Variants in UNC5D observed in about 807,000 individuals in gnomAD.
UNC5D encodes unc-5 netrin receptor D, also known as netrin receptor UNC5D.
In UNC5D, 39 loss-of-function variants were observed where a neutral mutation model predicts 105.4. The ratio of observed to expected loss-of-function variants is 0.37; its 90% confidence interval spans 0.29 to 0.48. The LOEUF (loss-of-function observed/expected upper bound fraction) is 0.48. UNC5D is among the 20% of genes least tolerant of loss of function. The probability of loss-of-function intolerance (pLI) is 0.98; values close to 1 mark genes in which losing one functional copy is unlikely to be tolerated. For synonymous variants in UNC5D, 452 were observed against 450.4 expected (o/e 1.00, Z -0.04); for missense variants, 991 against 1,202.4 (o/e 0.82, Z 2.60).
At chr8:35,635,294 A>G (rs141627615) in intron 4 of UNC5D, among the ~76,000 whole-genome samples, 209 of 152,208 alleles carry the variant, frequency 1.4e-3, no homozygotes, top group African/African-American at 4.6e-3. Context: ...ACTCCTATGT[A>G]TTGATACCTC....
At chr8:35,241,252 G>C (rs376184374) in intron 1 of UNC5D, among the ~76,000 whole-genome samples, 19 of 152,190 alleles carry the variant, frequency 1.2e-4, no homozygotes, top group Non-Finnish European at 2.4e-4. Flanking sequence ...ACATTGCATC[G>C]TATGGCCTTA....
At chr8:35,737,068 T>A (rs1277231933) in intron 11 of UNC5D, among the ~76,000 whole-genome samples, 1 of 152,188 alleles carries the variant, frequency 6.6e-6, no homozygotes, top group Non-Finnish European at 1.5e-5. Flanking sequence ...CTTGGCACAA[T>A]TATTAATAGT....
At chr8:35,439,447 G>T (rs369563942) in intron 1 of UNC5D, among the ~76,000 whole-genome samples, 22 of 152,014 alleles carry the variant, frequency 1.4e-4, no homozygotes, top group Middle Eastern at 3.2e-3. Context: ...TAAACATTTC[G>T]TGCCATTCTT....
intron 1 of UNC5D, among the ~76,000 whole-genome samples, chr8:35,241,395 T>C (rs1369236616): frequency 6.6e-6 from 1 of 152,204 alleles, no homozygotes; most frequent in Non-Finnish European, 1.5e-5. Flanking sequence ...GAAAGGAGTA[T>C]GTTTTCGCTG....
chr8:35,749,237 G>C lies in UNC5D; in HGVS notation c.1935+542G>C, dbSNP rs1563731348. Among the ~76,000 whole-genome samples the C allele has an allele frequency of 3.3e-5, 5 of 152,178 alleles. 1 individual carries two copies. In the East Asian group the frequency reaches 9.7e-4, roughly 29 times the overall value. On this transcript the variant is annotated intron_variant, in intron 12 of 16. Transcript: ENST00000404895. ...TGTGTGTATGAGTGCAAACAAAAGG[G>C]ATACAGTAGGAGACAAGGAAAGAGA...
intron 2 of UNC5D, among the ~76,000 whole-genome samples, chr8:35,560,749 GC>G (rs1239664224): frequency 6.6e-6 from 1 of 152,116 alleles, no homozygotes; most frequent in Non-Finnish European, 1.5e-5. Context: ...TTTTAAAGAA[GC>G]CTGCCACTCT....
chr8:35,442,902 TCTCA>T (rs1439117287), intron 1 of UNC5D, among the ~76,000 whole-genome samples: 41 of 131,704 alleles, frequency 3.1e-4, no homozygotes, highest in African/African-American at 1.3e-3. Context: ...TCTCTCTCTC[TCTCA>T]CACACACACA....
chr8:35,578,604 C>T (rs969310938), intron 3 of UNC5D, among the ~76,000 whole-genome samples: 6 of 152,136 alleles, frequency 3.9e-5, no homozygotes, highest in Admixed American at 6.6e-5. Flanking sequence ...TTACTTTGTG[C>T]CTGCCACATC....
intron 1 of UNC5D, among the ~76,000 whole-genome samples, chr8:35,303,701 G>A (rs1808131523): frequency 6.6e-6 from 1 of 152,130 alleles, no homozygotes; most frequent in South Asian, 2.1e-4. Context: ...AAAATCAATT[G>A]TCCACTGTGA....
At chr8:35,265,911 C>T (rs958407291) in intron 1 of UNC5D, among the ~76,000 whole-genome samples, 2 of 149,428 alleles carry the variant, frequency 1.3e-5, no homozygotes, top group African/African-American at 5.0e-5. Flanking sequence ...AATAATATAT[C>T]TGGGATTAGC....
chr8:35,278,736 A>G (rs530501072), intron 1 of UNC5D, among the ~76,000 whole-genome samples: 1 of 152,212 alleles, frequency 6.6e-6, no homozygotes, highest in East Asian at 1.9e-4. Context: ...TGATGACAGC[A>G]CCTGAAATCT....
intron 3 of UNC5D, among the ~76,000 whole-genome samples, chr8:35,590,820 C>A (rs974512033): frequency 6.6e-6 from 1 of 152,122 alleles, no homozygotes; most frequent in African/African-American, 2.4e-5. Context: ...AACAAAAACA[C>A]AAGCTGCGGT....
At chr8:35,612,012 C>G (rs995923619) in intron 4 of UNC5D, among the ~76,000 whole-genome samples, 1 of 152,132 alleles carries the variant, frequency 6.6e-6, no homozygotes, top group Admixed American at 6.6e-5. Flanking sequence ...TTATATTTGC[C>G]TTGGACAATA....
chr8:35,556,296 A>G (rs1442379941), intron 2 of UNC5D, among the ~76,000 whole-genome samples: 1 of 152,216 alleles, frequency 6.6e-6, no homozygotes, highest in Non-Finnish European at 1.5e-5. Context: ...AGAACATAAC[A>G]GGGCTAATAT....
chr8:35,266,647 A>T (rs1224117794), intron 1 of UNC5D, among the ~76,000 whole-genome samples: 2 of 152,148 alleles, frequency 1.3e-5, no homozygotes, highest in African/African-American at 4.8e-5. Flanking sequence ...TGCAATGGGG[A>T]TGGCTTGTCT....
chr8:35,475,787 C>T (rs1810048030), intron 1 of UNC5D, among the ~76,000 whole-genome samples: 1 of 152,130 alleles, frequency 6.6e-6, no homozygotes, highest in African/African-American at 2.4e-5. Flanking sequence ...TACTTATGAC[C>T]ATAATGACCC....
chr8:35,747,484 A>G (rs974540875), intron 11 of UNC5D, among the ~76,000 whole-genome samples: 2 of 152,184 alleles, frequency 1.3e-5, no homozygotes, highest in Admixed American at 6.5e-5. Flanking sequence ...CCTAGGTAGT[A>G]TAAGTAAAAG....
intron 1 of UNC5D, among the ~76,000 whole-genome samples, chr8:35,295,583 A>G (rs943831857): frequency 1.3e-5 from 2 of 152,214 alleles, no homozygotes; most frequent in African/African-American, 4.8e-5. Context: ...CAGGAGCACA[A>G]AGTGATTTGC....
chr8:35,703,521 G>A (rs1476974486), intron 7 of UNC5D, among the ~76,000 whole-genome samples: 1 of 152,202 alleles, frequency 6.6e-6, no homozygotes, highest in East Asian at 1.9e-4. Flanking sequence ...TGCCCTTGTT[G>A]CCTGATTTCT....
Sources: allele counts gnomAD v4.1 joint callset (sites outside exome capture counted in the v4.1 genomes callset), GRCh38; gene constraint gnomAD v4.1.1; transcripts MANE v1.5; gene names NCBI Gene and HGNC (gene_info 2026-07-23, HGNC 2026-07-21).